The following LRP1B variants were observed in gnomAD, a reference collection of about 807,000 sequenced individuals.
LRP1B encodes LDL receptor related protein 1B, also known as low-density lipoprotein receptor-related protein 1B.
Under a neutral mutation model 556.6 loss-of-function variants are expected in LRP1B, and 217 were observed. The ratio of observed to expected loss-of-function variants is 0.39; its 90% CI spans 0.35 to 0.44. LRP1B has a LOEUF of 0.44. Ranked by LOEUF, LRP1B falls within the 20% of genes least tolerant of loss-of-function variation. The pLI is 1.00. For missense variants in LRP1B, 5,053 were observed against 5,620.8 expected, an observed-to-expected ratio of 0.90 and a Z score of 3.23; for synonymous variants, 2,047 against 1,865.8, an observed-to-expected ratio of 1.10 and a Z score of -2.50.
At chr2:140,941,984 T>G (rs1464296225) in intron 20 of LRP1B, among the ~76,000 whole-genome samples, 2 of 152,012 alleles carry the variant, frequency 1.3e-5, no homozygotes, top group Admixed American at 1.3e-4. Flanking sequence ...ATTCAGAAAC[T>G]GGATGGCAAG....
chr2:141,252,119 G>A (rs11674827), intron 4 of LRP1B, among the ~76,000 whole-genome samples: 19,377 of 151,684 alleles, frequency 0.13, 1,292 homozygotes, highest in South Asian at 0.22. Context: ...TTAAGCTTCA[G>A]TCACCCTTTG....
At chr2:141,998,385 A>C (rs746501685) in intron 1 of LRP1B, among the ~76,000 whole-genome samples, 5 of 152,206 alleles carry the variant, frequency 3.3e-5, no homozygotes, top group Non-Finnish European at 5.9e-5. Context: ...GGTTAGAGGC[A>C]TGTGCTCTAG....
chr2:141,230,267 C>A (rs1405334932), intron 5 of LRP1B, among the ~76,000 whole-genome samples: 1 of 152,176 alleles, frequency 6.6e-6, no homozygotes, highest in Non-Finnish European at 1.5e-5. Flanking sequence ...TTTAATTCAT[C>A]TGTATCTAAT....
intron 1 of LRP1B, among the ~76,000 whole-genome samples, chr2:141,945,906 G>C (rs1234509940): frequency 6.6e-6 from 1 of 152,060 alleles, no homozygotes; most frequent in Non-Finnish European, 1.5e-5. Context: ...TGCTAAGGGA[G>C]AATGCGGTGA....
intron 2 of LRP1B, among the ~76,000 whole-genome samples, chr2:141,714,045 A>G (rs1574274190): frequency 6.6e-6 from 1 of 152,118 alleles, no homozygotes; most frequent in Non-Finnish European, 1.5e-5. Context: ...TCATTACTTT[A>G]TGTTTATTCC....
intron 7 of LRP1B, among the ~76,000 whole-genome samples, chr2:141,160,647 G>C (rs535663174): frequency 6.6e-6 from 1 of 151,848 alleles, no homozygotes; most frequent in African/African-American, 2.4e-5. Context: ...GAAAAAAAAA[G>C]CCAATTTCAA....
chr2:141,713,966 C>T (rs1460721996), intron 2 of LRP1B, among the ~76,000 whole-genome samples: 1 of 152,164 alleles, frequency 6.6e-6, no homozygotes, highest in Non-Finnish European at 1.5e-5. Context: ...TAGTGATTTC[C>T]TACCTGATTT....
Position 140,436,608 on chromosome 2 carries a change from C to CTT in LRP1B, c.10414+5894_10414+5895dup, listed in dbSNP as rs56972100. ...TCTCCTATATTATACTGCTCACTGT[C>CTT]TTTTTTTTTTTTTTTTTAAATTGCC... On this transcript the variant is annotated intron_variant, in intron 66 of 90. Coordinates refer to ENST00000389484, the MANE Select transcript of LRP1B (RefSeq NM_018557.3). Among the ~76,000 whole-genome samples, 107 of 139,294 alleles carry CTT rather than the reference C, an allele frequency of 7.7e-4. 1 individual carries two copies. The highest frequency in any genetic ancestry group is 2.6e-3 in the African/African-American group (101 of 38,246). 91.4% of individuals were successfully genotyped at this position (139,294 alleles called of 152,430 possible). A position where few individuals can be genotyped will look rare whatever the true frequency, so the allele number is the denominator to read the frequency against.
intron 1 of LRP1B, among the ~76,000 whole-genome samples, chr2:141,834,905 A>T (rs2105751114): frequency 6.6e-6 from 1 of 152,098 alleles, no homozygotes; most frequent in African/African-American, 2.4e-5. Flanking sequence ...GGTGAAAGGG[A>T]TGTATTTACT....
chr2:140,657,614 CATACATAT>C (rs1245645210), intron 41 of LRP1B, among the ~76,000 whole-genome samples: 4 of 128,958 alleles, frequency 3.1e-5, no homozygotes, highest in Admixed American at 1.6e-4. Flanking sequence ...CATATATATA[CATACATAT>C]ATACATACAT....
intron 2 of LRP1B, among the ~76,000 whole-genome samples, chr2:141,631,722 A>G (rs1688916957): frequency 6.6e-6 from 1 of 152,060 alleles, no homozygotes; most frequent in South Asian, 2.1e-4. Context: ...TTCTGCCTAT[A>G]AAGCCCAACT....
chr2:141,697,779 C>T (rs190071507), intron 2 of LRP1B, among the ~76,000 whole-genome samples: 1 of 152,074 alleles, frequency 6.6e-6, no homozygotes, highest in African/African-American at 2.4e-5. Flanking sequence ...GGCTCCATTT[C>T]TGTGAAAGTG....
At chr2:141,059,132 C>T in intron 8 of LRP1B, 78 bp from the exon 9 acceptor site, 1 of 940,102 alleles carries the variant, frequency 1.1e-6, no homozygotes, top group Non-Finnish European at 1.5e-6. Context: ...TTGCTATTTA[C>T]TAGTATGGAA....
intron 24 of LRP1B, among the ~76,000 whole-genome samples, chr2:140,884,854 A>G (rs1451407292): frequency 1.3e-5 from 2 of 152,132 alleles, no homozygotes; most frequent in East Asian, 3.9e-4. Context: ...CAAGGACTAC[A>G]GGTGCACACA....
intron 2 of LRP1B, among the ~76,000 whole-genome samples, chr2:141,578,664 G>A (rs1448010448): frequency 6.6e-6 from 1 of 152,068 alleles, no homozygotes; most frequent in Non-Finnish European, 1.5e-5. Flanking sequence ...ATTTCATTTT[G>A]AACTCAAATT....
intron 86 of LRP1B, among the ~76,000 whole-genome samples, chr2:140,266,875 T>C (rs913305814): frequency 5.3e-5 from 8 of 152,016 alleles, no homozygotes; most frequent in Non-Finnish European, 1.0e-4. Flanking sequence ...TAAAAGCCAT[T>C]CATCTTCCTA....
intron 2 of LRP1B, among the ~76,000 whole-genome samples, chr2:141,624,832 C>T (rs897095038): frequency 3.3e-5 from 5 of 152,120 alleles, no homozygotes; most frequent in African/African-American, 1.2e-4. Flanking sequence ...TGCAGTGGCG[C>T]GATCTCGGCT....
chr2:140,517,503 A>G (rs547018402), intron 49 of LRP1B, among the ~76,000 whole-genome samples: 52 of 152,148 alleles, frequency 3.4e-4, no homozygotes, highest in African/African-American at 1.1e-3. Flanking sequence ...GTATTCCTTA[A>G]CAGGATTTAA....
At chr2:140,697,929 G>C (rs1292298388) in intron 41 of LRP1B, among the ~76,000 whole-genome samples, 1 of 151,880 alleles carries the variant, frequency 6.6e-6, no homozygotes, top group Non-Finnish European at 1.5e-5. Flanking sequence ...AATCTCAAAT[G>C]TTATTTTATA....
Sources: allele counts gnomAD v4.1 joint callset (sites outside exome capture counted in the v4.1 genomes callset), GRCh38; gene constraint gnomAD v4.1.1; transcripts MANE v1.5; gene names NCBI Gene and HGNC (gene_info 2026-07-23, HGNC 2026-07-21).